CNTN4: variants seen among roughly 807,000 people sequenced by gnomAD.
CNTN4 encodes contactin 4.
In CNTN4, 77 loss-of-function variants were observed where a neutral mutation model predicts 122.5. The observed-to-expected ratio is 0.63, with a 90% CI of 0.52 to 0.76. The LOEUF is 0.76. Among genes scored for constraint, CNTN4 ranks in the 30% least tolerant of loss-of-function variants. The pLI is 0.00. For synonymous variants in CNTN4, 512 were observed against 447.0 expected, an observed-to-expected ratio of 1.15 and a Z score of -1.83; for missense variants, 1,256 against 1,259.1, an observed-to-expected ratio of 1.00 and a Z score of 0.04.
chr3:2,203,733 A>G (rs1217587902), intron 2 of CNTN4, among the ~76,000 whole-genome samples: 4 of 152,168 alleles, frequency 2.6e-5, no homozygotes. Context: ...GAACATATCC[A>G]GGTACATTGG....
chr3:2,702,898 C>A (rs747575380), intron 4 of CNTN4, among the ~76,000 whole-genome samples: 11 of 152,174 alleles, frequency 7.2e-5, no homozygotes, highest in Admixed American at 3.3e-4. Context: ...CCTGACTTTT[C>A]AAAGGAAATG....
chr3:2,478,969 C>CT (rs2075909168), intron 3 of CNTN4, among the ~76,000 whole-genome samples: 1 of 152,002 alleles, frequency 6.6e-6, no homozygotes, highest in South Asian at 2.1e-4. Context: ...TGGCAAAAGG[C>CT]TTTTTTTCCT....
At chr3:2,414,006 T>C (rs1030669374) in intron 3 of CNTN4, among the ~76,000 whole-genome samples, 2 of 152,224 alleles carry the variant, frequency 1.3e-5, no homozygotes, top group African/African-American at 4.8e-5. Context: ...GTGCCATTCG[T>C]TGAATACCGA....
At chr3:2,561,095 C>T (rs1431517083) in intron 3 of CNTN4, among the ~76,000 whole-genome samples, 2 of 152,110 alleles carry the variant, frequency 1.3e-5, no homozygotes, top group Non-Finnish European at 2.9e-5. Context: ...CAAGTAAAAG[C>T]CCTGAAAGTC....
At chr3:2,927,709 T>G (rs1166915592) in intron 13 of CNTN4, 1 of 154,206 alleles carries the variant, frequency 6.5e-6, no homozygotes, top group Non-Finnish European at 1.4e-5. Context: ...AAAGCTTGTC[T>G]TTATCCAGAT....
chr3:2,904,219 A>G (rs2094205469), intron 12 of CNTN4, among the ~76,000 whole-genome samples: 1 of 152,230 alleles, frequency 6.6e-6, no homozygotes, highest in South Asian at 2.1e-4. Context: ...GACTATGAAT[A>G]AGAGAAAAAC....
intron 7 of CNTN4, among the ~76,000 whole-genome samples, chr3:2,859,574 G>A (rs1282627470): frequency 6.6e-6 from 1 of 151,150 alleles, no homozygotes; most frequent in South Asian, 2.1e-4. Flanking sequence ...TCCCTTGCAG[G>A]ATGCAAAGTT....
chr3:2,340,710 T>TATATAGAGAGAGAG lies in CNTN4; in HGVS notation c.-89+1478_-89+1479insTATAGAGAGAGAGA. On this transcript the variant is annotated intron_variant, in intron 3 of 24. Coordinates refer to ENST00000418658, the MANE Select transcript of CNTN4 (RefSeq NM_175607.3). ...TTATATATATATATATATATATATA[T>TATATAGAGAGAGAG]AGAGAGAGAGAGAGAGAGAGAGAGA... Among the ~76,000 whole-genome samples, 48 of 18,310 alleles carry TATATAGAGAGAGAG rather than the reference T, an allele frequency of 2.6e-3. 2 individuals are homozygous for TATATAGAGAGAGAG. The highest frequency in any genetic ancestry group is 5.4e-3 in the Non-Finnish European group (33 of 6,162). 12.0% of individuals were successfully genotyped at this position (18,310 alleles called of 152,430 possible).
intron 3 of CNTN4, among the ~76,000 whole-genome samples, chr3:2,413,634 C>T (rs1013499779): frequency 9.2e-5 from 14 of 152,100 alleles, no homozygotes; most frequent in African/African-American, 3.4e-4. Context: ...ACCTCCACCT[C>T]TCAGGTTCAA....
chr3:2,156,079 C>G (rs1010534679), intron 2 of CNTN4, among the ~76,000 whole-genome samples: 1 of 152,168 alleles, frequency 6.6e-6, no homozygotes, highest in East Asian at 1.9e-4. Flanking sequence ...CCCCTGAGGG[C>G]AGGCCAGTGG....
intron 6 of CNTN4, among the ~76,000 whole-genome samples, chr3:2,778,227 A>AATAC (rs1461878537): frequency 6.7e-6 from 1 of 149,442 alleles, no homozygotes; most frequent in Non-Finnish European, 1.5e-5. Flanking sequence ...TAAATAAATA[A>AATAC]ATAAATAAAT....
At chr3:2,940,570 A>G (rs2094605324) in intron 13 of CNTN4, among the ~76,000 whole-genome samples, 1 of 152,136 alleles carries the variant, frequency 6.6e-6, no homozygotes, top group Admixed American at 6.6e-5. Flanking sequence ...CTTGAGGGAA[A>G]TCACACTGTG....
intron 8 of CNTN4, among the ~76,000 whole-genome samples, chr3:2,873,536 G>A (rs2150903648): frequency 6.6e-6 from 1 of 152,302 alleles, no homozygotes; most frequent in Non-Finnish European, 1.5e-5. Flanking sequence ...CTTTAAAATA[G>A]AAAGCAGAAA....
At chr3:2,516,051 A>G (rs1460961923) in intron 3 of CNTN4, among the ~76,000 whole-genome samples, 1 of 152,032 alleles carries the variant, frequency 6.6e-6, no homozygotes, top group Non-Finnish European at 1.5e-5. Context: ...CAGCTTTTAA[A>G]TGTTAGTTGA....
intron 3 of CNTN4, among the ~76,000 whole-genome samples, chr3:2,466,967 TTTC>T (rs1482297242): frequency 7.0e-4 from 91 of 130,298 alleles, no homozygotes; most frequent in South Asian, 6.2e-3. Context: ...TCTTTCTTTC[TTTC>T]TTTTTTTTTT....
intron 4 of CNTN4, among the ~76,000 whole-genome samples, chr3:2,654,052 A>T (rs746542886): frequency 6.6e-5 from 10 of 152,198 alleles, no homozygotes; most frequent in Non-Finnish European, 1.3e-4. Flanking sequence ...AACTTAAGTG[A>T]TGATAGAGCT....
intron 4 of CNTN4, among the ~76,000 whole-genome samples, chr3:2,644,646 T>C (rs950441462): frequency 6.6e-6 from 1 of 150,906 alleles, no homozygotes; most frequent in Non-Finnish European, 1.5e-5. Flanking sequence ...AGTCCATGGA[T>C]TAGACTCACC....
At chr3:2,453,595 G>A (rs1291143438) in intron 3 of CNTN4, among the ~76,000 whole-genome samples, 2 of 152,018 alleles carry the variant, frequency 1.3e-5, no homozygotes, top group African/African-American at 4.8e-5. Context: ...TCAGAGGCAC[G>A]GCTTCAAAAT....
intron 2 of CNTN4, among the ~76,000 whole-genome samples, chr3:2,229,918 C>T (rs1226303102): frequency 6.6e-6 from 1 of 152,180 alleles, no homozygotes; most frequent in East Asian, 1.9e-4. Context: ...GTGTAGCGTA[C>T]TCCAAATGTT....
Sources: allele counts gnomAD v4.1 joint callset (sites outside exome capture counted in the v4.1 genomes callset), GRCh38; gene constraint gnomAD v4.1.1; transcripts MANE v1.5; gene names NCBI Gene and HGNC (gene_info 2026-07-23, HGNC 2026-07-21).